The following FANCI variants were observed in gnomAD, a reference collection of about 807,000 sequenced individuals.
The protein encoded by FANCI is FA complementation group I.
FANCI carries 156 observed loss-of-function variants against 176.1 expected under a neutral mutation model. The observed-to-expected ratio is 0.89, with a 90% CI of 0.78 to 1.01. The LOEUF is 1.01. Among genes scored for constraint, FANCI ranks in the 50% least tolerant of loss-of-function variants. The probability of loss-of-function intolerance (pLI) is 0.00; values close to 1 mark genes in which losing one functional copy is unlikely to be tolerated. For missense variants in FANCI, 1,678 were observed against 1,534.1 expected (o/e 1.09, Z -1.57); for synonymous variants, 613 against 541.7 (o/e 1.13, Z -1.83).
intron 2 of FANCI, among the ~76,000 whole-genome samples, chr15:89,258,008 C>T (rs1248856833): frequency 6.6e-6 from 1 of 152,130 alleles, no homozygotes; most frequent in African/African-American, 2.4e-5. Context: ...CTGGTCCTTT[C>T]CCGTTTCTCT....
chr15:89,278,800 A>T, intron 14 of FANCI, 26 bp downstream of exon 14: 1 of 1,567,576 alleles, frequency 6.4e-7, no homozygotes, highest in Non-Finnish European at 8.8e-7. Context: ...AGAATGAATA[A>T]AGTTTTTAGA....
chr15:89,292,252 T>C (rs2054096889), intron 20 of FANCI, among the ~76,000 whole-genome samples: 1 of 152,238 alleles, frequency 6.6e-6, no homozygotes, highest in African/African-American at 2.4e-5. Flanking sequence ...TCAGTTGTCA[T>C]ATCTTGCCTT....
At position 89,290,201 on chromosome 15, in the gene FANCI, G is replaced by C. The variant is rs1348604439; in HGVS notation, c.1822-12G>C. ...GTTAAAGTGCTTATTTCTTCTCTTTGATTCCTCTTAGGGGTTTTATGATGT... is the reference window on the plus strand; with the variant it reads ...GTTAAAGTGCTTATTTCTTCTCTTTCATTCCTCTTAGGGGTTTTATGATGT... On this transcript the variant is annotated splice_polypyrimidine_tract_variant and intron_variant, in intron 18 of 37. Transcript: ENST00000310775. 1 of 1,609,336 alleles carries C rather than the reference G, an allele frequency of 6.2e-7. No homozygotes were observed. Among genetic ancestry groups the C allele is most frequent in the East Asian group, 2.2e-5 (1 of 44,838 alleles).
At chr15:89,301,253 G>A (rs2054515016) in intron 26 of FANCI, 73 bp from the exon 27 acceptor site, 2 of 964,508 alleles carry the variant, frequency 2.1e-6, no homozygotes, top group Non-Finnish European at 3.4e-6. Flanking sequence ...AGGAGTCTCT[G>A]ACTAGATGCC....
At chr15:89,264,112 G>T in intron 8 of FANCI, 86 bp downstream of exon 8, 2 of 1,473,628 alleles carry the variant, frequency 1.4e-6, no homozygotes. Context: ...GGTTTATATA[G>T]CAGAGCAAAC....
intron 22 of FANCI, 92 bp downstream of exon 22, chr15:89,293,155 G>T: frequency 1.5e-6 from 2 of 1,347,810 alleles, no homozygotes; most frequent in South Asian, 1.2e-5. Flanking sequence ...GCAGTAAACA[G>T]ACCACAGACG....
intron 31 of FANCI, 62 bp from the exon 32 acceptor site, chr15:89,305,945 T>A: frequency 1.3e-6 from 2 of 1,541,702 alleles, no homozygotes; most frequent in Admixed American, 1.7e-5. Context: ...TTTCTAAATC[T>A]CCTTTACTCT....
At chr15:89,262,050 A>G (rs903474883) in intron 6 of FANCI, among the ~76,000 whole-genome samples, 172 bp downstream of exon 6, 1 of 152,216 alleles carries the variant, frequency 6.6e-6, no homozygotes, top group African/African-American at 2.4e-5. Flanking sequence ...GAAATGATTT[A>G]CTATATTCTG....
chr15:89,248,635 G>A (rs116677334), intron 2 of FANCI, among the ~76,000 whole-genome samples: 1,735 of 152,176 alleles, frequency 0.011, 30 homozygotes, highest in African/African-American at 0.04. Flanking sequence ...ATTGAAACTA[G>A]CATTTAAATT....
At position 89,316,838 on chromosome 15, in the gene FANCI, G is replaced by A. The variant is rs2055283715; in HGVS notation, c.*379G>A. On this transcript the variant is annotated 3_prime_UTR_variant, in exon 38 of 38. Coordinates refer to ENST00000310775, the MANE Select transcript of FANCI (RefSeq NM_001113378.2). ...TATCCAGCGCTTCACCTGAAAGATA[G>A]TGCAAATTGGTTAGGATGCCACCTC... 6.2e-7 allele frequency: 1 copy of A among 1,603,550 alleles called. No homozygotes were observed. Among genetic ancestry groups the A allele is most frequent in the Non-Finnish European group, 8.5e-7 (1 of 1,170,342 alleles).
intron 20 of FANCI, 111 bp downstream of exon 20, chr15:89,291,825 A>C: frequency 2.3e-6 from 2 of 869,594 alleles, no homozygotes; most frequent in Admixed American, 3.7e-5. Flanking sequence ...CTTCCAATGA[A>C]TGTTTACTTT....
At chr15:89,298,816 T>A (rs971729774) in intron 24 of FANCI, among the ~76,000 whole-genome samples, 1 of 152,162 alleles carries the variant, frequency 6.6e-6, no homozygotes, top group Admixed American at 6.5e-5. Context: ...TATTAACGAT[T>A]TTATGCCAGT....
chr15:89,316,372 G>T lies in FANCI; in HGVS notation c.3925-25G>T, dbSNP rs372128793. 11 of 1,603,840 alleles carry T rather than the reference G, an allele frequency of 6.9e-6. No individual in the cohort carries two copies. The African/African-American group carries it at 1.5e-4, about 22-fold the overall frequency. On this transcript the variant is annotated intron_variant, in intron 37 of 37. Coordinates refer to ENST00000310775, the MANE Select transcript of FANCI (RefSeq NM_001113378.2). ...GCCTTGGAGCAGGTTTATCACGTTA[G>T]AGCATTAATTCTTTCCCCTTCTAGG...
chr15:89,275,405 A>G (rs1470866210), intron 12 of FANCI, among the ~76,000 whole-genome samples: 3 of 152,196 alleles, frequency 2.0e-5, no homozygotes, highest in Non-Finnish European at 2.9e-5. Context: ...CAGGATATAC[A>G]TTAGCTGTTG....
chr15:89,295,464 G>A (rs1373381530), intron 24 of FANCI, among the ~76,000 whole-genome samples: 4 of 151,740 alleles, frequency 2.6e-5, no homozygotes, highest in African/African-American at 9.7e-5. Flanking sequence ...TTGGGAGTTC[G>A]AGACCAGTCT....
chr15:89,300,136 A>G (rs778101426), intron 25 of FANCI, among the ~76,000 whole-genome samples, 164 bp from the exon 26 acceptor site: 6 of 152,212 alleles, frequency 3.9e-5, no homozygotes, highest in Non-Finnish European at 7.3e-5. Flanking sequence ...ATTCAACCAC[A>G]AAGAGTGGCT....
rs1270881338 is a variant in FANCI, at chr15:89,300,412, C to T, written c.2889+27C>T. 1.9e-6 allele frequency: 3 copies of T among 1,599,508 alleles called. No homozygotes were observed. The South Asian group carries it at 3.3e-5, about 18-fold the overall frequency. Reference sequence around the variant, plus strand: ...TGAGAAGCCTTGCAAAGCTGCTGTACTGGCCTGAGAGGCTTTGCAAAGGAA... The same window carrying T: ...TGAGAAGCCTTGCAAAGCTGCTGTATTGGCCTGAGAGGCTTTGCAAAGGAA... On this transcript the variant is annotated intron_variant, in intron 26 of 37. Transcript: ENST00000310775.
In FANCI at chr15:89,316,616, G is replaced by A. The variant is rs544746243; in HGVS notation, c.*157G>A. The A allele has an allele frequency of 9.1e-7, 1 of 1,097,392 alleles. No individual in the cohort carries two copies. The highest frequency in any genetic ancestry group is 1.4e-6 in the Non-Finnish European group (1 of 724,452). The allele number at this position is 1,097,392 out of a possible 1,614,324, so 68.0% of individuals were successfully genotyped here. On this transcript the variant is annotated 3_prime_UTR_variant, in exon 38 of 38. Transcript: ENST00000310775. ...CCTTCAGTTAGAAGGAATCTTCTTG[G>A]CAGGTCCTGCTACTGAAAAATGGCT... is the stretch of plus-strand genomic sequence containing the variant.
chr15:89,263,339 T>G lies in FANCI; in HGVS notation c.504-80T>G. Reference sequence around the variant, plus strand: ...CAAAATCAAACTTGAATTGGCCCTGTTTTTTTGTCCTCATTAATTTTACAA... The same window carrying G: ...CAAAATCAAACTTGAATTGGCCCTGGTTTTTTGTCCTCATTAATTTTACAA... On this transcript the variant is annotated intron_variant, in intron 6 of 37. Coordinates refer to ENST00000310775, the MANE Select transcript of FANCI (RefSeq NM_001113378.2). The G allele has an allele frequency of 4.1e-6, 5 of 1,221,458 alleles. No homozygotes were observed. In the South Asian group the frequency reaches 6.2e-5, roughly 15 times the overall value. The allele number at this position is 1,221,458 out of a possible 1,614,324, so 75.7% of individuals were successfully genotyped here.
Sources: allele counts gnomAD v4.1 joint callset (sites outside exome capture counted in the v4.1 genomes callset), GRCh38; gene constraint gnomAD v4.1.1; transcripts MANE v1.5; gene names NCBI Gene and HGNC (gene_info 2026-07-23, HGNC 2026-07-21).